Variants in PXDNL observed in about 807,000 individuals in gnomAD.
PXDNL encodes the protein probable oxidoreductase PXDNL.
PXDNL carries 145 observed loss-of-function variants against 150.8 expected under a neutral mutation model. That is an observed-to-expected ratio of 0.96 (90% CI 0.84 to 1.10). PXDNL has a LOEUF of 1.10. PXDNL is among the 50% of genes least tolerant of loss of function. The pLI is 0.00. For missense variants in PXDNL, 2,087 were observed against 1,873.9 expected, an observed-to-expected ratio of 1.11 and a Z score of -2.10; for synonymous variants, 757 against 725.7, an observed-to-expected ratio of 1.04 and a Z score of -0.69.
intron 1 of PXDNL, among the ~76,000 whole-genome samples, chr8:51,758,607 T>C (rs924090268): frequency 6.6e-6 from 1 of 152,190 alleles, no homozygotes; most frequent in Non-Finnish European, 1.5e-5. Flanking sequence ...GTTCTTGTGA[T>C]AGTGAGTTTT....
At chr8:51,532,982 G>A (rs1439564830) in intron 4 of PXDNL, among the ~76,000 whole-genome samples, 2 of 142,734 alleles carry the variant, frequency 1.4e-5, no homozygotes, top group Admixed American at 7.3e-5. Flanking sequence ...GAATCAAGTA[G>A]GAAAAAAAGG....
chr8:51,616,115 G>T (rs1224566477), intron 2 of PXDNL, among the ~76,000 whole-genome samples: 1 of 152,204 alleles, frequency 6.6e-6, no homozygotes, highest in Non-Finnish European at 1.5e-5. Flanking sequence ...GGACTAGCCT[G>T]GGGCAATTAA....
At chr8:51,602,057 T>C (rs953363938) in intron 2 of PXDNL, among the ~76,000 whole-genome samples, 1 of 151,986 alleles carries the variant, frequency 6.6e-6, no homozygotes, top group Non-Finnish European at 1.5e-5. Context: ...GCCCCCAAAC[T>C]CTCCTCACTT....
chr8:51,569,184 G>A lies in PXDNL; in HGVS notation c.309-12273C>T, dbSNP rs752386263. Reference sequence around the variant, plus strand: ...AATTTTTTTAAAAGGTGGAAATGACGTATCCTGTAACAGGAACTGAGGTAA... The same window carrying A: ...AATTTTTTTAAAAGGTGGAAATGACATATCCTGTAACAGGAACTGAGGTAA... On this transcript the variant is annotated intron_variant, in intron 3 of 22. Transcript: ENST00000356297. Among the ~76,000 whole-genome samples, 42 of 151,746 alleles carry A rather than the reference G, an allele frequency of 2.8e-4. No individual in the cohort carries two copies. The South Asian group carries it at 2.9e-3, about 10-fold the overall frequency.
intron 6 of PXDNL, 114 bp from the exon 7 acceptor site, chr8:51,475,255 G>T (rs1040676958): frequency 1.5e-4 from 159 of 1,029,120 alleles, no homozygotes; most frequent in Non-Finnish European, 1.9e-4. Context: ...TTACATTTTT[G>T]ACTCCAGGAT....
At chr8:51,545,521 A>G (rs148555639) in intron 4 of PXDNL, among the ~76,000 whole-genome samples, 166 of 152,334 alleles carry the variant, frequency 1.1e-3, no homozygotes, top group African/African-American at 3.8e-3. Flanking sequence ...GAATAGAAAC[A>G]TATTGGCTCA....
rs776891618 is a variant in PXDNL at position 51,447,006 on chromosome 8, T to C, written c.1523A>G (p.Lys508Arg). 1.2e-5 allele frequency: 20 copies of C among 1,613,684 alleles called. No homozygotes were observed. The Admixed American group carries it at 3.3e-4, about 27-fold the overall frequency. Residue 508 changes from lysine to arginine, a missense_variant and splice_region_variant, in exon 12 of 23, where the codon AAA becomes AGA. Coordinates refer to ENST00000356297, the MANE Select transcript of PXDNL (RefSeq NM_144651.5). ...KVSVQLTVKP[K>R]ALAVFTQLPQ... The stretch of plus-strand genomic sequence containing the variant: ...ATATGAATCACAGTATATATTACCT[T>C]TGGGTTTTACAGTCAGCTGCACAGA...
chr8:51,383,951 A>G (rs1438663604), intron 17 of PXDNL, among the ~76,000 whole-genome samples: 1 of 152,196 alleles, frequency 6.6e-6, no homozygotes, highest in Admixed American at 6.5e-5. Context: ...AGGGTTATAC[A>G]TGCTCACCTG....
At chr8:51,699,907 C>G (rs191941944) in intron 1 of PXDNL, among the ~76,000 whole-genome samples, 3 of 152,092 alleles carry the variant, frequency 2.0e-5, no homozygotes, top group Admixed American at 2.0e-4. Flanking sequence ...GTTCGTAGCA[C>G]CCTAAAACAA....
chr8:51,445,571 G>A (rs1359335779), intron 12 of PXDNL, among the ~76,000 whole-genome samples: 3 of 152,170 alleles, frequency 2.0e-5, no homozygotes, highest in Admixed American at 1.3e-4. Context: ...GAGAGTCGAC[G>A]AAGCCTCCAT....
chr8:51,360,426 A>G (rs2915485), intron 19 of PXDNL, among the ~76,000 whole-genome samples: 111,473 of 152,118 alleles, frequency 0.73, 41,399 homozygotes, highest in East Asian at 0.94. Flanking sequence ...CATGTATCAT[A>G]CGTGCACATA....
At chr8:51,379,348 A>G (rs557552396) in intron 17 of PXDNL, among the ~76,000 whole-genome samples, 233 of 152,272 alleles carry the variant, frequency 1.5e-3, no homozygotes, top group Non-Finnish European at 2.6e-3. Context: ...GGCTAACCTG[A>G]AAATATGTCT....
chr8:51,686,638 T>G (rs1355259961), intron 1 of PXDNL, among the ~76,000 whole-genome samples: 1 of 152,156 alleles, frequency 6.6e-6, no homozygotes, highest in Non-Finnish European at 1.5e-5. Context: ...TGGAAAAAAG[T>G]TAAATCCTCA....
intron 2 of PXDNL, among the ~76,000 whole-genome samples, chr8:51,619,246 T>C (rs1814188814): frequency 6.6e-6 from 1 of 152,114 alleles, no homozygotes; most frequent in Non-Finnish European, 1.5e-5. Context: ...CAATAAACCA[T>C]AAAAATATTT....
intron 1 of PXDNL, among the ~76,000 whole-genome samples, chr8:51,687,918 G>A (rs545944721): frequency 2.1e-4 from 32 of 152,242 alleles, no homozygotes; most frequent in African/African-American, 7.5e-4. Flanking sequence ...CATATTTCCA[G>A]CATGAAGGAT....
At chr8:51,789,315 GC>G (rs2037489626) in intron 1 of PXDNL, among the ~76,000 whole-genome samples, 1 of 151,832 alleles carries the variant, frequency 6.6e-6, no homozygotes, top group African/African-American at 2.4e-5. Context: ...TCCTCAGAAT[GC>G]CCTGCCAAAG....
intron 2 of PXDNL, among the ~76,000 whole-genome samples, chr8:51,630,744 A>G (rs1409811049): frequency 1.3e-5 from 2 of 151,742 alleles, no homozygotes; most frequent in African/African-American, 2.4e-5. Context: ...CTGTCTCATA[A>G]CAGTCAGAAT....
At chr8:51,685,282 G>T (rs765503400) in intron 1 of PXDNL, among the ~76,000 whole-genome samples, 12 of 152,150 alleles carry the variant, frequency 7.9e-5, no homozygotes, top group Non-Finnish European at 1.8e-4. Flanking sequence ...GGGAAATTTT[G>T]AAAGTTGAGG....
chr8:51,546,777 C>A (rs1180933094), intron 4 of PXDNL, among the ~76,000 whole-genome samples: 1 of 152,188 alleles, frequency 6.6e-6, no homozygotes, highest in African/African-American at 2.4e-5. Context: ...TGCACAGAGG[C>A]TGCATGGATA....
Sources: gnomAD v4.1 joint callset for allele counts (sites outside exome capture counted in the v4.1 genomes callset) on GRCh38, gnomAD v4.1.1 for gene constraint, MANE v1.5 for transcripts, NCBI Gene and HGNC (gene_info 2026-07-23, HGNC 2026-07-21) for gene names.